The following LMTK3 variants were observed in gnomAD, a reference collection of about 807,000 sequenced individuals.
LMTK3 encodes serine/threonine-protein kinase LMTK3.
A neutral mutation model predicts 116.7 loss-of-function variants in LMTK3; 27 were observed. The ratio of observed to expected loss-of-function variants is 0.23; its 90% CI spans 0.17 to 0.32. LMTK3 has a LOEUF of 0.32. Among genes scored for constraint, LMTK3 ranks in the 10% least tolerant of loss-of-function variants. The pLI is 1.00. For missense variants in LMTK3, 1,764 were observed against 2,068.5 expected (o/e 0.85, Z 2.86); for synonymous variants, 965 against 971.0 (o/e 0.99, Z 0.11).
chr19:48,493,830 T>C lies in LMTK3; in HGVS notation c.3956A>G (p.Asp1319Gly). Residue 1319 changes from aspartate (D) to glycine (G), a missense_variant, in exon 12 of 15, where the codon GAC (aspartate) becomes GGC (glycine). This residue lies in a region of LMTK3 where 281 missense variants were observed against 301.4 expected (regional missense o/e 0.93). Coordinates refer to ENST00000600059, the MANE Select transcript of LMTK3 (RefSeq NM_001388485.1). ...CCGCAGCGGGCGGGCCGCGTCCGCG[T>C]CGGCGCTGCTCACCACGACGGGCAC... ...APVPVVVSSADADAARPLRGL... is the reference protein window; with the variant it reads ...APVPVVVSSAGADAARPLRGL... The C allele has an allele frequency of 6.8e-7, 1 of 1,473,116 alleles. No homozygotes were observed. The highest frequency in any genetic ancestry group is 9.0e-7 in the Non-Finnish European group (1 of 1,112,810). The allele number at this position is 1,473,116 out of a possible 1,614,324, so 91.3% of individuals were successfully genotyped here. A position where few individuals can be genotyped will look rare whatever the true frequency, so the allele number is the denominator to read the frequency against.
Position 48,500,465 on chromosome 19 carries a change from AGGGACAGAGACCCAGAGAGAGG to A in LMTK3, c.1151+509_1151+530del, listed in dbSNP as rs1972443189. 6.7e-6 allele frequency among the ~76,000 whole-genome samples: 1 copy of A among 148,632 alleles called. No homozygotes were observed. Among genetic ancestry groups the A allele is most frequent in the Non-Finnish European group, 1.5e-5 (1 of 66,956 alleles). On this transcript the variant is annotated intron_variant, in intron 10 of 14. Transcript: ENST00000600059. The surrounding 1 kb of genome is among the most constrained non-coding windows in gnomAD (Gnocchi z 4.0). ...GAGAGGGACAGAGACCCAGAGAGAG[AGGGACAGAGACCCAGAGAGAGG>A]GGGACAGAGACCTAGAGAGAGAGGG...
upstream of LMTK3, chr19:48,513,179 A>C (rs764724567): frequency 5.6e-6 from 9 of 1,601,648 alleles, no homozygotes; most frequent in Middle Eastern, 3.3e-4. This position sits in a 1 kb window ranked among gnomAD's most constrained non-coding sequence, Gnocchi z 5.6. Flanking sequence ...CAACCACAGC[A>C]CTTGCCTCAT....
chr19:48,489,889 C>T (rs954930114), intron 14 of LMTK3, among the ~76,000 whole-genome samples: 3 of 152,190 alleles, frequency 2.0e-5, no homozygotes, highest in African/African-American at 7.2e-5. Context: ...CCTGTCCTGC[C>T]GAGCTGGGCA....
At chr19:48,503,869 C>T (rs1972517930) in intron 5 of LMTK3, among the ~76,000 whole-genome samples, 1 of 148,348 alleles carries the variant, frequency 6.7e-6, no homozygotes, top group African/African-American at 2.5e-5. Context: ...CTCCCTCCCT[C>T]CCTTCCTTCC....
Position 48,485,678 on chromosome 19 carries a change from G to A in LMTK3, c.*95C>T, listed in dbSNP as rs1457504331. 7 of 1,387,296 alleles carry A rather than the reference G, an allele frequency of 5.0e-6. No individual in the cohort carries two copies. Among genetic ancestry groups the A allele is most frequent in the South Asian group, 1.2e-5 (1 of 81,098 alleles). 85.9% of individuals were successfully genotyped at this position (1,387,296 alleles called of 1,614,324 possible). On this transcript the variant is annotated 3_prime_UTR_variant, in exon 15 of 15. Transcript: ENST00000600059. ...CAGCCTCGGGGGCCTCCCCAGAGGCGGCGTCTGCGGTGGTGGCAGTGGCGC... is the reference window on the plus strand; with the variant it reads ...CAGCCTCGGGGGCCTCCCCAGAGGCAGCGTCTGCGGTGGTGGCAGTGGCGC...
chr19:48,509,571 A>G, intron 3 of LMTK3, 58 bp from the exon 4 acceptor site: 2 of 1,418,514 alleles, frequency 1.4e-6, no homozygotes, highest in South Asian at 1.3e-5. Context: ...AGTGCTACCA[A>G]CACACCCCAG....
intron 11 of LMTK3, among the ~76,000 whole-genome samples, chr19:48,496,537 G>C (rs1426784017): frequency 6.6e-6 from 1 of 152,206 alleles, no homozygotes; most frequent in African/African-American, 2.4e-5. Flanking sequence ...GACCTCAGGT[G>C]ATCCGCCCAC....
Position 48,493,928 on chromosome 19 carries a change from C to CCTCCTCCTCG in LMTK3, c.3857_3858insCGAGGAGGAG (p.Glu1286AspfsTer257). On this transcript the variant is annotated frameshift_variant, in exon 12 of 15. Coordinates refer to ENST00000600059, the MANE Select transcript of LMTK3 (RefSeq NM_001388485.1). LOFTEE classifies it high-confidence loss of function. The stretch of plus-strand genomic sequence containing the variant: ...CCGGCGCCGCCGCCTCCTCGTCCTC[C>CCTCCTCCTCG]TCCTCGTCCTCGTCCTCGTCCTCCC... 1 of 1,031,894 alleles carries CCTCCTCCTCG rather than the reference C, an allele frequency of 9.7e-7. No homozygotes were observed. The highest frequency in any genetic ancestry group is 1.2e-6 in the Non-Finnish European group (1 of 863,962). 63.9% of individuals were successfully genotyped at this position (1,031,894 alleles called of 1,614,324 possible).
chr19:48,499,619 C>T lies in LMTK3; in HGVS notation c.1450G>A (p.Ala484Thr). ...CCACCCCGGCCGGCCCCACGCCGGG[C>T]CTTCTCCCACAGGCACTCGAGGTTG... ...GLNLECLWEK[A>T]RRGAGRGGGA... Residue 484 changes from alanine (A) to threonine (T), a missense_variant, in exon 11 of 15, where the codon GCC becomes ACC. Transcript: ENST00000600059. The T allele has an allele frequency of 1.3e-6, 2 of 1,543,088 alleles. No homozygotes were observed. The highest frequency in any genetic ancestry group is 1.7e-6 in the Non-Finnish European group (2 of 1,144,042).
chr19:48,490,623 C>T (rs1187535994), intron 14 of LMTK3, among the ~76,000 whole-genome samples: 2 of 151,988 alleles, frequency 1.3e-5, no homozygotes, highest in Non-Finnish European at 2.9e-5. Context: ...TGAGGCACTG[C>T]AGGGTCCACG....
rs1248118998 is a variant in LMTK3 at position 48,499,700 on chromosome 19, A to G, written c.1369T>C (p.Phe457Leu). The G allele has an allele frequency of 6.6e-7, 1 of 1,524,652 alleles. No homozygotes were observed. The allele number at this position is 1,524,652 out of a possible 1,614,324, so 94.4% of individuals were successfully genotyped here. A position where few individuals can be genotyped will look rare whatever the true frequency, so the allele number is the denominator to read the frequency against. The change falls in exon 11 of 15, where the codon TTC becomes CTC. Residue 457 changes from phenylalanine to leucine, a missense_variant. Phe to Leu is a conservative substitution (Grantham distance 22, BLOSUM62 0). Transcript: ENST00000600059. Reference sequence around the variant, plus strand: ...ACATCGTCGGGGTCGGCTCCAGGGAAGCCATCCAGTAGGGGGAACGGTGAG... The same window carrying G: ...ACATCGTCGGGGTCGGCTCCAGGGAGGCCATCCAGTAGGGGGAACGGTGAG... ...LSSPFPLLDG[F>L]PGADPDDVLT...
At position 48,487,322 on chromosome 19, in the gene LMTK3, G is replaced by A. The variant is rs192247069; in HGVS notation, c.4367-1533C>T. Among the ~76,000 whole-genome samples, 29 of 152,096 alleles carry A rather than the reference G, an allele frequency of 1.9e-4. 3 individuals carry two copies. The highest frequency in any genetic ancestry group is 6.5e-4 in the African/African-American group (27 of 41,504). ...TACTGGGATTACAAGTGTGAGCCAC[G>A]CGCCCAGCCCACCTGGCTAATTTTT... On this transcript the variant is annotated intron_variant, in intron 14 of 14. Transcript: ENST00000600059.
chr19:48,506,140 GA>G (rs541945051), intron 5 of LMTK3, among the ~76,000 whole-genome samples: 1,357 of 113,126 alleles, frequency 0.012, 14 homozygotes, highest in African/African-American at 0.031. Context: ...GACTTCATCT[GA>G]AAAAAAAAAA....
At chr19:48,493,074 G>A (rs1194179657) in intron 12 of LMTK3, among the ~76,000 whole-genome samples, 3 of 147,174 alleles carry the variant, frequency 2.0e-5, no homozygotes, top group Non-Finnish European at 4.5e-5. Context: ...CCTAGGCTCC[G>A]CCCCCATTCC....
intron 5 of LMTK3, 142 bp downstream of exon 5, chr19:48,508,709 C>A: frequency 2.8e-6 from 2 of 713,486 alleles, no homozygotes; most frequent in Non-Finnish European, 5.0e-6. Flanking sequence ...AGAGGAAGAA[C>A]CTGAGGTTCA....
rs1461167379 is a variant in LMTK3 at position 48,497,197 on chromosome 19, C to T, written c.3676+196G>A. Among the ~76,000 whole-genome samples, 4 of 152,308 alleles carry T rather than the reference C, an allele frequency of 2.6e-5. No individual in the cohort carries two copies. The highest frequency in any genetic ancestry group is 9.6e-5 in the African/African-American group (4 of 41,576). On this transcript the variant is annotated intron_variant, in intron 11 of 14. Transcript: ENST00000600059. This position sits in a 1 kb window ranked among gnomAD's most constrained non-coding sequence, Gnocchi z 5.7. ...TTGGCAGATGGGTAAACTGAGGCAC[C>T]GTGCAGCAAGGACATTTGCCCAAGG...
chr19:48,498,081 G>C lies in LMTK3; in HGVS notation c.2988C>G (p.Pro996=). 1 of 1,613,046 alleles carries C rather than the reference G, an allele frequency of 6.2e-7. No individual in the cohort carries two copies. The highest frequency in any genetic ancestry group is 8.5e-7 in the Non-Finnish European group (1 of 1,179,770). The change falls in exon 11 of 15, where the codon CCC becomes CCG. Residue 996 remains proline (P), a synonymous_variant. Transcript: ENST00000600059. ...CTGACACCTTGTCCTCGCTCTTTGG[G>C]GGTGTCAGGCCCCCATTCACCAGCA... The part of the protein sequence containing the change: ...EKVLVNGGLT[P]PKSEDKVSEN...
chr19:48,498,638 C>A lies in LMTK3; in HGVS notation c.2431G>T (p.Gly811Trp), dbSNP rs765139547. ...GGGACCCCTTCCTCCTCGGCCGCCCCCCCACCTGGGAAGGCTCCCTCTGGG... is the reference window on the plus strand; with the variant it reads ...GGGACCCCTTCCTCCTCGGCCGCCCACCCACCTGGGAAGGCTCCCTCTGGG... The part of the protein sequence containing the change: ...FSPEGAFPGG[G>W]AAEEEGVPRP... Residue 811 changes from glycine (G) to tryptophan (W), a missense_variant, in exon 11 of 15, where the codon GGG (glycine) becomes TGG (tryptophan). By Grantham distance (184) the Gly-to-Trp change is radical. This residue lies in a region of LMTK3 where 1,028 missense variants were observed against 1,050.6 expected (regional missense o/e 0.98). Transcript: ENST00000600059. The A allele has an allele frequency of 3.3e-5, 51 of 1,542,094 alleles. No individual in the cohort carries two copies. Among genetic ancestry groups the A allele is most frequent in the Non-Finnish European group, 3.9e-5 (45 of 1,144,238 alleles).
rs774242352 is a variant in LMTK3, at chr19:48,494,759, A to G, written c.3677-650T>C. Among the ~76,000 whole-genome samples, 1 of 152,200 alleles carries G rather than the reference A, an allele frequency of 6.6e-6. No individual in the cohort carries two copies. Among genetic ancestry groups the G allele is most frequent in the Non-Finnish European group, 1.5e-5 (1 of 68,036 alleles). ...GGCAAGAGGAGGGTGGAGGTGGGGC[A>G]GGGAGAAAGATGAATGCAGACGGTC... On this transcript the variant is annotated intron_variant, in intron 11 of 14. Coordinates refer to ENST00000600059, the MANE Select transcript of LMTK3 (RefSeq NM_001388485.1). The surrounding 1 kb of genome is among the most constrained non-coding windows in gnomAD (Gnocchi z 4.0).
Sources: allele counts gnomAD v4.1 joint callset (sites outside exome capture counted in the v4.1 genomes callset), GRCh38; gene constraint gnomAD v4.1.1; regional missense constraint gnomAD v4.1.1; non-coding constraint Gnocchi (gnomAD v3.1); transcripts MANE v1.5; gene names NCBI Gene and HGNC (gene_info 2026-07-23, HGNC 2026-07-21).